The following CERS6 variants were observed in gnomAD, a reference collection of about 807,000 sequenced individuals.
CERS6 encodes LAG1 homolog, ceramide synthase 6.
CERS6 carries 26 observed loss-of-function variants against 56.8 expected under a neutral mutation model. The observed-to-expected ratio is 0.46, with a 90% CI of 0.34 to 0.63. The LOEUF (loss-of-function observed/expected upper bound fraction) is 0.63. CERS6 is among the 30% of genes least tolerant of loss of function. The pLI is 0.01. For missense variants in CERS6, 415 were observed against 467.5 expected (o/e 0.89, Z 1.04); for synonymous variants, 164 against 173.3 (o/e 0.95, Z 0.42).
chr2:168,547,179 C>G (rs1048058891), intron 1 of CERS6, among the ~76,000 whole-genome samples: 1 of 152,194 alleles, frequency 6.6e-6, no homozygotes, highest in Non-Finnish European at 1.5e-5. Flanking sequence ...TCAAAGCGCT[C>G]TCTCTGCATG....
At chr2:168,557,647 G>A (rs1465572305) in intron 2 of CERS6, among the ~76,000 whole-genome samples, 1 of 152,108 alleles carries the variant, frequency 6.6e-6, no homozygotes, top group African/African-American at 2.4e-5. Flanking sequence ...ATGTACTAAA[G>A]ATTTGAATAT....
At chr2:168,746,364 TAA>T (rs1255960195) in intron 8 of CERS6, among the ~76,000 whole-genome samples, 3 of 152,306 alleles carry the variant, frequency 2.0e-5, no homozygotes, top group South Asian at 2.1e-4. Flanking sequence ...GCTTATTTGA[TAA>T]GTTTATTATT....
At chr2:168,669,693 A>G (rs1431603663) in intron 4 of CERS6, among the ~76,000 whole-genome samples, 1 of 152,210 alleles carries the variant, frequency 6.6e-6, no homozygotes, top group Admixed American at 6.5e-5. Context: ...TTAGTTGAAA[A>G]TCATTGCCCT....
intron 4 of CERS6, among the ~76,000 whole-genome samples, chr2:168,667,487 A>G (rs528136887): frequency 6.6e-5 from 10 of 152,346 alleles, no homozygotes; most frequent in African/African-American, 2.4e-4. Flanking sequence ...GTTTTGTCAC[A>G]TGAAATAAAA....
In CERS6 at chr2:168,456,382, G is replaced by T; in HGVS notation, c.-67G>T. On this transcript the variant is annotated 5_prime_UTR_variant, in exon 1 of 10. Transcript: ENST00000305747. The surrounding 1 kb of genome is among the most constrained non-coding windows in gnomAD (Gnocchi z 4.1). ...CGGGGCCAGCCGGGCGCGCATCCCC[G>T]GGCGCCCTGCGCGGTGGAGAGCTTG... 1.5e-6 allele frequency: 2 copies of T among 1,323,872 alleles called. No homozygotes were observed. Among genetic ancestry groups the T allele is most frequent in the South Asian group, 1.8e-5 (1 of 56,520 alleles). 82.0% of individuals were successfully genotyped at this position (1,323,872 alleles called of 1,614,324 possible).
At chr2:168,640,223 T>C (rs1283226114) in intron 4 of CERS6, among the ~76,000 whole-genome samples, 2 of 152,252 alleles carry the variant, frequency 1.3e-5, no homozygotes, top group Non-Finnish European at 1.5e-5. Flanking sequence ...ATCAAATTTC[T>C]GTGCCCTTAG....
intron 8 of CERS6, among the ~76,000 whole-genome samples, chr2:168,734,109 A>C (rs1218078189): frequency 6.6e-6 from 1 of 152,184 alleles, no homozygotes; most frequent in African/African-American, 2.4e-5. Flanking sequence ...TTTGGCAATC[A>C]TGAGGGGGTT....
At chr2:168,479,134 TATG>T (rs1343592570) in intron 1 of CERS6, among the ~76,000 whole-genome samples, 1 of 152,196 alleles carries the variant, frequency 6.6e-6, no homozygotes, top group Non-Finnish European at 1.5e-5. Context: ...ATTTCTACCA[TATG>T]ATGACAATTT....
At chr2:168,633,964 A>T (rs1462425428) in intron 4 of CERS6, among the ~76,000 whole-genome samples, 1 of 152,178 alleles carries the variant, frequency 6.6e-6, no homozygotes, top group East Asian at 1.9e-4. Context: ...AATATGGATT[A>T]TTACATGTGC....
chr2:168,557,327 A>T (rs1362798743), intron 2 of CERS6, among the ~76,000 whole-genome samples: 1 of 152,210 alleles, frequency 6.6e-6, no homozygotes, highest in East Asian at 1.9e-4. Context: ...TTAAATAAAG[A>T]TGTTAATTCA....
At chr2:168,464,571 G>A (rs1371089854) in intron 1 of CERS6, among the ~76,000 whole-genome samples, 2 of 152,062 alleles carry the variant, frequency 1.3e-5, no homozygotes, top group Admixed American at 6.6e-5. Context: ...ACACTCAAGA[G>A]GATGATGAAG....
intron 1 of CERS6, among the ~76,000 whole-genome samples, chr2:168,496,424 T>C (rs1694470580): frequency 6.6e-6 from 1 of 152,056 alleles, no homozygotes; most frequent in African/African-American, 2.4e-5. Context: ...GCCTTATACT[T>C]AGATATAAGC....
At chr2:168,460,619 G>C (rs534004417) in intron 1 of CERS6, among the ~76,000 whole-genome samples, 2 of 152,326 alleles carry the variant, frequency 1.3e-5, no homozygotes, top group South Asian at 4.1e-4. Context: ...AAAAGCTACA[G>C]TATTTCAGAA....
chr2:168,635,577 G>T (rs1438525158), intron 4 of CERS6, among the ~76,000 whole-genome samples: 1 of 152,160 alleles, frequency 6.6e-6, no homozygotes, highest in Non-Finnish European at 1.5e-5. Flanking sequence ...TCTGAGACCG[G>T]CAGCAGTATC....
chr2:168,485,167 CT>C (rs530485337), intron 1 of CERS6, among the ~76,000 whole-genome samples: 3,020 of 137,134 alleles, frequency 0.022, 75 homozygotes, highest in African/African-American at 0.067. Flanking sequence ...CACTGCCTTG[CT>C]TTTTTTTTTT....
At chr2:168,650,925 T>C (rs1685327383) in intron 4 of CERS6, among the ~76,000 whole-genome samples, 1 of 152,218 alleles carries the variant, frequency 6.6e-6, no homozygotes, top group Admixed American at 6.5e-5. Context: ...TAAAAAGTTT[T>C]CCTTCTGCTT....
intron 4 of CERS6, among the ~76,000 whole-genome samples, chr2:168,669,491 G>A (rs916334920): frequency 6.6e-5 from 10 of 152,168 alleles, no homozygotes; most frequent in Non-Finnish European, 1.3e-4. Flanking sequence ...AATTATGGAA[G>A]AGAAGGGAGA....
At chr2:168,585,324 A>G (rs900826534) in intron 3 of CERS6, among the ~76,000 whole-genome samples, 3 of 152,262 alleles carry the variant, frequency 2.0e-5, no homozygotes, top group South Asian at 2.1e-4. Flanking sequence ...ATGCTGGGCA[A>G]TAGGTGCAGG....
At position 168,672,265 on chromosome 2, in the gene CERS6, G is replaced by C. The variant is rs113265841; in HGVS notation, c.466-18769G>C. Among the ~76,000 whole-genome samples the C allele has an allele frequency of 4.3e-3, 656 of 152,306 alleles. 4 individuals carry two copies. Among genetic ancestry groups the C allele is most frequent in the African/African-American group, 0.014 (601 of 41,572 alleles). On this transcript the variant is annotated intron_variant, in intron 4 of 9. Coordinates refer to ENST00000305747, the MANE Select transcript of CERS6 (RefSeq NM_203463.3). ...CCTTTTCCAACATTGCCAGTTTCTAGTACAGTAATAATCTTGTTTTTCAGT... is the reference window on the plus strand; with the variant it reads ...CCTTTTCCAACATTGCCAGTTTCTACTACAGTAATAATCTTGTTTTTCAGT...
Sources: allele counts gnomAD v4.1 joint callset (sites outside exome capture counted in the v4.1 genomes callset), GRCh38; gene constraint gnomAD v4.1.1; non-coding constraint Gnocchi (gnomAD v3.1); transcripts MANE v1.5; gene names NCBI Gene and HGNC (gene_info 2026-07-23, HGNC 2026-07-21).